Variants in SMURF2 observed in about 807,000 individuals in gnomAD.
SMURF2 encodes E3 ubiquitin-protein ligase SMURF2.
In SMURF2, 48 loss-of-function variants were observed where a neutral mutation model predicts 109.6. The ratio of observed to expected loss-of-function variants is 0.44; its 90% CI spans 0.35 to 0.56. The LOEUF is 0.56. Among genes scored for constraint, SMURF2 ranks in the 20% least tolerant of loss-of-function variants. SMURF2 has a pLI of 0.01. For missense variants in SMURF2, 575 were observed against 909.0 expected (o/e 0.63, Z 4.72); for synonymous variants, 288 against 317.1 (o/e 0.91, Z 0.97).
At chr17:64,648,700 T>A (rs1415984806) in intron 1 of SMURF2, among the ~76,000 whole-genome samples, 1 of 152,042 alleles carries the variant, frequency 6.6e-6, no homozygotes, top group Admixed American at 6.6e-5. Context: ...TGAGCCCAGG[T>A]GGTCAAGGCT....
chr17:64,620,645 G>GATCTCTT (rs1383262482), intron 1 of SMURF2, among the ~76,000 whole-genome samples: 1 of 151,996 alleles, frequency 6.6e-6, no homozygotes, highest in Non-Finnish European at 1.5e-5. Flanking sequence ...GTCTGATTTT[G>GATCTCTT]ATCTCTTCCT....
At chr17:64,549,262 C>CAAAAAAAAAAAA (rs577973821) in intron 16 of SMURF2, among the ~76,000 whole-genome samples, 3 of 41,568 alleles carry the variant, frequency 7.2e-5, no homozygotes, top group African/African-American at 8.3e-5. Flanking sequence ...ACTGTGTCTC[C>CAAAAAAAAAAAA]AAAAAAAAAA....
chr17:64,649,688 C>A (rs1298976500), intron 1 of SMURF2, among the ~76,000 whole-genome samples: 1 of 151,768 alleles, frequency 6.6e-6, no homozygotes, highest in Non-Finnish European at 1.5e-5. Flanking sequence ...ACTAAAAATA[C>A]AAAAAATTAG....
chr17:64,573,149 G>A (rs1598276973), intron 9 of SMURF2: 1 of 46,532 alleles, frequency 2.1e-5, no homozygotes, highest in Non-Finnish European at 3.8e-5. Context: ...AGGAGGAGGA[G>A]GAGGAGGAGG....
intron 8 of SMURF2, 112 bp downstream of exon 8, chr17:64,580,677 A>G: frequency 9.1e-7 from 1 of 1,101,470 alleles, no homozygotes; most frequent in Non-Finnish European, 1.3e-6. Context: ...ATTTATTTTC[A>G]TGCAGAATCC....
intron 1 of SMURF2, among the ~76,000 whole-genome samples, chr17:64,635,638 T>C (rs990475458): frequency 1.3e-5 from 2 of 152,218 alleles, no homozygotes; most frequent in Admixed American, 6.5e-5. Flanking sequence ...ATCCATACTA[T>C]AGCATACATC....
chr17:64,578,877 T>C (rs1427899704), intron 8 of SMURF2, among the ~76,000 whole-genome samples: 1 of 152,210 alleles, frequency 6.6e-6, no homozygotes, highest in African/African-American at 2.4e-5. Context: ...CTAAAAAATT[T>C]TAAATGATGT....
intron 1 of SMURF2, among the ~76,000 whole-genome samples, chr17:64,619,526 G>C (rs1465804350): frequency 1.6e-5 from 2 of 125,070 alleles, no homozygotes; most frequent in African/African-American, 6.0e-5. Context: ...AATTTGGCAA[G>C]ACGTTTGCCT....
At chr17:64,619,096 C>T (rs1012157318) in intron 1 of SMURF2, among the ~76,000 whole-genome samples, 1 of 152,084 alleles carries the variant, frequency 6.6e-6, no homozygotes, top group African/African-American at 2.4e-5. Context: ...GTACCTGGTA[C>T]ACAGCAAGTG....
At chr17:64,631,872 A>G (rs1360296183) in intron 1 of SMURF2, among the ~76,000 whole-genome samples, 1 of 147,508 alleles carries the variant, frequency 6.8e-6, no homozygotes, top group African/African-American at 2.5e-5. Flanking sequence ...ACATGGGGTC[A>G]GCAAAACTGC....
At chr17:64,576,634 C>A (rs116452211) in intron 9 of SMURF2, among the ~76,000 whole-genome samples, 8,640 of 150,742 alleles carry the variant, frequency 0.057, 384 homozygotes, top group Admixed American at 0.14. Flanking sequence ...ACTGCACTCC[C>A]GCCTGGACAA....
At chr17:64,636,206 A>C (rs1197637982) in intron 1 of SMURF2, among the ~76,000 whole-genome samples, 2 of 152,114 alleles carry the variant, frequency 1.3e-5, no homozygotes, top group Non-Finnish European at 2.9e-5. Context: ...GGATCCTCCC[A>C]CCTCAGCCTC....
intron 1 of SMURF2, among the ~76,000 whole-genome samples, chr17:64,643,093 C>G (rs915443767): frequency 3.3e-5 from 5 of 152,138 alleles, no homozygotes; most frequent in Non-Finnish European, 5.9e-5. Flanking sequence ...GGCGCCATCA[C>G]GGTTCACTGC....
chr17:64,570,990 CCAGGTTGGTCTTGAACT>C (rs1555685507), intron 10 of SMURF2, among the ~76,000 whole-genome samples: 45 of 152,038 alleles, frequency 3.0e-4, no homozygotes, highest in Non-Finnish European at 2.6e-4. Context: ...CACATGTTGG[CCAGGTTGGTCTTGAACT>C]CCTAGGCTCA....
chr17:64,638,431 C>A (rs1234994677), intron 1 of SMURF2, among the ~76,000 whole-genome samples: 2 of 152,130 alleles, frequency 1.3e-5, no homozygotes, highest in African/African-American at 2.4e-5. Flanking sequence ...AAACTCCTGA[C>A]CTCAAGTGAT....
At chr17:64,583,819 C>G (rs1205576468) in intron 6 of SMURF2, among the ~76,000 whole-genome samples, 1 of 152,044 alleles carries the variant, frequency 6.6e-6, no homozygotes, top group Non-Finnish European at 1.5e-5. Context: ...CAATTAAATT[C>G]ATACTAATTA....
Position 64,545,409 on chromosome 17 carries a change from TTCAAGA to T in SMURF2, c.*433_*438del, listed in dbSNP as rs1968933327. 6.5e-6 allele frequency: 1 copy of T among 153,762 alleles called. No homozygotes were observed. Among genetic ancestry groups the T allele is most frequent in the Admixed American group, 6.5e-5 (1 of 15,400 alleles). 9.5% of individuals were successfully genotyped at this position (153,762 alleles called of 1,614,324 possible). A position where few individuals can be genotyped will look rare whatever the true frequency, so the allele number is the denominator to read the frequency against. ...TTACAAAGAGCAAGTACAGGAGCTGTTCAAGATCATGTATTCAATCAAAATGAAATG... is the reference window on the plus strand; with the variant it reads ...TTACAAAGAGCAAGTACAGGAGCTGTTCATGTATTCAATCAAAATGAAATG... On this transcript the variant is annotated 3_prime_UTR_variant, in exon 19 of 19. Transcript: ENST00000262435.
At chr17:64,596,585 C>CAAAAAAAAAAAAAAAA (rs201858792) in intron 3 of SMURF2, among the ~76,000 whole-genome samples, 9 of 45,466 alleles carry the variant, frequency 2.0e-4, no homozygotes, top group African/African-American at 2.5e-4. Context: ...GGAGAGTAAA[C>CAAAAAAAAAAAAAAAA]AAAAAAAAAA....
rs1277785843 is a variant in SMURF2, at chr17:64,545,583, C to T, written c.*265G>A. On this transcript the variant is annotated 3_prime_UTR_variant, in exon 19 of 19. Transcript: ENST00000262435. ...CTAACTCTGGAAATGTAGGAAAAGT[C>T]AGCATTCTTTAGGTTCAAGATATTA... 3.8e-6 allele frequency: 1 copy of T among 261,032 alleles called. No individual in the cohort carries two copies. Among genetic ancestry groups the T allele is most frequent in the African/African-American group, 2.2e-5 (1 of 45,296 alleles). The allele number at this position is 261,032 out of a possible 1,614,324, so 16.2% of individuals were successfully genotyped here. A position where few individuals can be genotyped will look rare whatever the true frequency, so the allele number is the denominator to read the frequency against.
Sources: gnomAD v4.1 joint callset for allele counts (sites outside exome capture counted in the v4.1 genomes callset) on GRCh38, gnomAD v4.1.1 for gene constraint, MANE v1.5 for transcripts, NCBI Gene and HGNC (gene_info 2026-07-23, HGNC 2026-07-21) for gene names.